The following DGKE variants were observed in gnomAD, a reference collection of about 807,000 sequenced individuals.
DGKE encodes the protein diacylglycerol kinase epsilon.
Under a neutral mutation model 70.0 loss-of-function variants are expected in DGKE, and 53 were observed. The ratio of observed to expected loss-of-function variants is 0.76; its 90% CI spans 0.61 to 0.95. The LOEUF is 0.95. DGKE is among the 40% of genes least tolerant of loss of function. The pLI, the probability that DGKE is intolerant of heterozygous loss-of-function variation, is 0.00. For synonymous variants in DGKE, 291 were observed against 257.0 expected (o/e 1.13, Z -1.27); for missense variants, 655 against 706.9 (o/e 0.93, Z 0.83).
intron 8 of DGKE, among the ~76,000 whole-genome samples, chr17:56,858,071 CA>C (rs11449627): frequency 2.7e-4 from 27 of 100,482 alleles, no homozygotes; most frequent in Non-Finnish European, 2.9e-4. Context: ...GACTCCATCT[CA>C]AAAAAAAAAA....
At chr17:56,843,118 C>G (rs1442585848) in intron 2 of DGKE, among the ~76,000 whole-genome samples, 2 of 152,178 alleles carry the variant, frequency 1.3e-5, no homozygotes, top group East Asian at 3.8e-4. Flanking sequence ...CCTCATGAAC[C>G]TACATTTCAG....
intron 7 of DGKE, 81 bp from the exon 8 acceptor site, chr17:56,856,431 A>G: frequency 3.5e-6 from 5 of 1,433,528 alleles, no homozygotes; most frequent in East Asian, 2.5e-5. Flanking sequence ...AAAAGAACAC[A>G]AAGACTAAGA....
At position 56,864,040 on chromosome 17, in the gene DGKE, C is replaced by G. The variant is rs1171795998; in HGVS notation, c.*1249C>G. ...AAAATGAAGGAGGGCATGAAAAGCA[C>G]TAGGGAACTACTTTTGGATAACTGA... On this transcript the variant is annotated 3_prime_UTR_variant, in exon 12 of 12. Coordinates refer to ENST00000284061, the MANE Select transcript of DGKE (RefSeq NM_003647.3). 6.6e-6 allele frequency: 1 copy of G among 152,214 alleles called. No individual in the cohort carries two copies. Among genetic ancestry groups the G allele is most frequent in the Non-Finnish European group, 1.5e-5 (1 of 68,050 alleles). The allele number at this position is 152,214 out of a possible 1,614,324, so 9.4% of individuals were successfully genotyped here.
At chr17:56,841,693 T>G (rs1906988649) in intron 2 of DGKE, among the ~76,000 whole-genome samples, 1 of 152,258 alleles carries the variant, frequency 6.6e-6, no homozygotes, top group African/African-American at 2.4e-5. Context: ...GCATGCCCTT[T>G]GATTCAGTAA....
chr17:56,849,619 C>A lies in DGKE; in HGVS notation c.1098+387C>A, dbSNP rs567312728. 6.6e-4 allele frequency among the ~76,000 whole-genome samples: 100 copies of A among 152,184 alleles called. 1 individual carries two copies. The highest frequency in any genetic ancestry group is 3.1e-3 in the South Asian group (15 of 4,812). ...AGATAATGTGAAAATAGCTCAGAAG[C>A]CTGCACTAGGTAGAATCAGGATGAG... On this transcript the variant is annotated intron_variant, in intron 7 of 11. Transcript: ENST00000284061.
rs958844215 is a variant in DGKE, at chr17:56,864,207, G to A, written c.*1416G>A. 6.6e-6 allele frequency: 1 copy of A among 152,222 alleles called. No homozygotes were observed. Among genetic ancestry groups the A allele is most frequent in the African/African-American group, 2.4e-5 (1 of 41,450 alleles). The allele number at this position is 152,222 out of a possible 1,614,324, so 9.4% of individuals were successfully genotyped here. A position where few individuals can be genotyped will look rare whatever the true frequency, so the allele number is the denominator to read the frequency against. ...TGACCCACAGGTCGGCTGACCCAGA[G>A]GGCATCCAGCCTGGTGTTTTTCTGA... On this transcript the variant is annotated 3_prime_UTR_variant, in exon 12 of 12. Transcript: ENST00000284061.
chr17:56,841,731 A>T (rs569708080), intron 2 of DGKE, among the ~76,000 whole-genome samples: 14 of 152,360 alleles, frequency 9.2e-5, no homozygotes, highest in African/African-American at 3.4e-4. Flanking sequence ...AAATAATCTC[A>T]TTCATTTACC....
At chr17:56,860,151 T>C (rs1211314194) in intron 9 of DGKE, among the ~76,000 whole-genome samples, 1 of 152,170 alleles carries the variant, frequency 6.6e-6, no homozygotes, top group Admixed American at 6.5e-5. Flanking sequence ...ATAAATTTTA[T>C]TTATATACCT....
At position 56,864,862 on chromosome 17, in the gene DGKE, A is replaced by G. The variant is rs551606901; in HGVS notation, c.*2071A>G. ...ATTAAAAATTATAATTTTAATACCA[A>G]CCATAATATTACACTGTATTTAGAA... On this transcript the variant is annotated 3_prime_UTR_variant, in exon 12 of 12. Coordinates refer to ENST00000284061, the MANE Select transcript of DGKE (RefSeq NM_003647.3). 13 of 152,190 alleles carry G rather than the reference A, an allele frequency of 8.5e-5. No homozygotes were observed. Among genetic ancestry groups the G allele is most frequent in the African/African-American group, 3.1e-4 (13 of 41,538 alleles). The allele number at this position is 152,190 out of a possible 1,614,324, so 9.4% of individuals were successfully genotyped here.
rs1165011956 is a variant in DGKE at position 56,844,174 on chromosome 17, A to G, written c.620A>G (p.Glu207Gly). The G allele has an allele frequency of 3.3e-6, 5 of 1,514,406 alleles. No homozygotes were observed. Among genetic ancestry groups the G allele is most frequent in the Non-Finnish European group, 3.5e-6 (4 of 1,130,118 alleles). The allele number at this position is 1,514,406 out of a possible 1,614,324, so 93.8% of individuals were successfully genotyped here. ...CGTAAAGACAAAAAAACAGATTATG[A>G]AGTGGTAATTAGAGTTTATTTCTCT... ...QMRKDKKTDY[E>G]VLASKLGKQW... Residue 207 changes from glutamate (E) to glycine (G), a missense_variant, in exon 3 of 12, where the codon GAA becomes GGA. Glu to Gly is a moderately conservative substitution (Grantham distance 98). Transcript: ENST00000284061.
chr17:56,840,336 A>T (rs1906895010), intron 2 of DGKE, among the ~76,000 whole-genome samples: 1 of 152,014 alleles, frequency 6.6e-6, no homozygotes, highest in Non-Finnish European at 1.5e-5. Context: ...CGCCAGATTT[A>T]TTATGGGTAG....
At position 56,868,584 on chromosome 17, in the gene DGKE, G is replaced by C. The variant is rs532897254; in HGVS notation, c.*5793G>C. The C allele has an allele frequency of 7.2e-5, 11 of 152,318 alleles. No individual in the cohort carries two copies. The highest frequency in any genetic ancestry group is 2.6e-4 in the African/African-American group (11 of 41,574). The allele number at this position is 152,318 out of a possible 1,614,324, so 9.4% of individuals were successfully genotyped here. On this transcript the variant is annotated 3_prime_UTR_variant, in exon 12 of 12. Transcript: ENST00000284061. ...TTTGTTGTGTTGGGTCTGTATTTTTGTGGTCAGTGCCTGCAGGCAGAAATG... is the reference window on the plus strand; with the variant it reads ...TTTGTTGTGTTGGGTCTGTATTTTTCTGGTCAGTGCCTGCAGGCAGAAATG...
At chr17:56,862,421 T>G (rs1354900470) in intron 11 of DGKE, 170 bp downstream of exon 11, 9 of 868,212 alleles carry the variant, frequency 1.0e-5, no homozygotes, top group Non-Finnish European at 1.5e-5. Flanking sequence ...GAAACATGGC[T>G]CAAGATCCAT....
chr17:56,849,463 C>T (rs567523175), intron 7 of DGKE, among the ~76,000 whole-genome samples: 1 of 152,186 alleles, frequency 6.6e-6, no homozygotes, highest in African/African-American at 2.4e-5. Context: ...GGAAGTGGTA[C>T]GGGAGTTGGT....
At chr17:56,835,354 G>A (rs1377999189) in intron 2 of DGKE, 95 bp downstream of exon 2, 1 of 1,286,754 alleles carries the variant, frequency 7.8e-7, no homozygotes, top group East Asian at 2.4e-5. Flanking sequence ...CTCTGCTGAT[G>A]ACCTAAACTC....
At chr17:56,837,906 T>TA (rs1906726483) in intron 2 of DGKE, among the ~76,000 whole-genome samples, 1 of 152,230 alleles carries the variant, frequency 6.6e-6, no homozygotes, top group South Asian at 2.1e-4. Context: ...CTATTTTTGT[T>TA]CTAGACACTG....
intron 2 of DGKE, chr17:56,836,049 G>A (rs56380338): frequency 0.056 from 8,475 of 152,282 alleles, 285 homozygotes; most frequent in Admixed American, 0.1. Flanking sequence ...AATAGGACTG[G>A]CCTCCAGGAT....
In DGKE at chr17:56,834,817, G is replaced by T; in HGVS notation, c.22G>T (p.Ala8Ser). Residue 8 changes from alanine (A) to serine (S), a missense_variant, in exon 2 of 12, where the codon GCG becomes TCG. Transcript: ENST00000284061. ...GAAGATGGAAGCGGAGAGGCGGCCG[G>T]CGCCGGGCTCGCCCTCCGAGGGCCT... MEAERRP[A>S]PGSPSEGLFA... The T allele has an allele frequency of 6.2e-7, 1 of 1,604,928 alleles. No individual in the cohort carries two copies. The highest frequency in any genetic ancestry group is 8.5e-7 in the Non-Finnish European group (1 of 1,176,460).
chr17:56,849,315 G>C, intron 7 of DGKE, 83 bp downstream of exon 7: 3 of 1,266,172 alleles, frequency 2.4e-6, no homozygotes, highest in Non-Finnish European at 3.3e-6. Flanking sequence ...ACAGAGACCT[G>C]GTGCTTATCT....
Sources: allele counts gnomAD v4.1 joint callset (sites outside exome capture counted in the v4.1 genomes callset), GRCh38; gene constraint gnomAD v4.1.1; transcripts MANE v1.5; gene names NCBI Gene and HGNC (gene_info 2026-07-23, HGNC 2026-07-21).